The following BEND4 variants were observed in gnomAD, a reference collection of about 807,000 sequenced individuals.
BEND4 encodes the protein BEN domain-containing protein 4.
In BEND4, 27 loss-of-function variants were observed where a neutral mutation model predicts 54.7. The ratio of observed to expected loss-of-function variants is 0.49; its 90% CI spans 0.36 to 0.68. The LOEUF (loss-of-function observed/expected upper bound fraction) is 0.68. Among genes scored for constraint, BEND4 ranks in the 30% least tolerant of loss-of-function variants. BEND4 has a pLI of 0.00. For missense variants in BEND4, 702 were observed against 697.2 expected (o/e 1.01, Z -0.08); for synonymous variants, 327 against 299.5 (o/e 1.09, Z -0.95).
rs1469750583 is a variant in BEND4 at position 42,120,177 on chromosome 4, C to G, written c.1264G>C (p.Val422Leu). 3 of 1,613,844 alleles carry G rather than the reference C, an allele frequency of 1.9e-6. No individual in the cohort carries two copies. The highest frequency in any genetic ancestry group is 2.5e-6 in the Non-Finnish European group (3 of 1,179,898). Reference sequence around the variant, plus strand: ...TACTTAAGCTCATCGGTTGTGAAAACAAATCTGATGAGGTATCGAAGGAGC... The same window carrying G: ...TACTTAAGCTCATCGGTTGTGAAAAGAAATCTGATGAGGTATCGAAGGAGC... ...RRLLRYLIRF[V>L]FTTDELKYSC... The change falls in exon 5 of 6, where the codon GTT (valine) becomes CTT (leucine). Residue 422 changes from valine (V) to leucine (L), a missense_variant. Transcript: ENST00000502486.
rs73155320 is a variant in BEND4, at chr4:42,134,599, T to G, written c.1054+8829A>C. Among the ~76,000 whole-genome samples the G allele has an allele frequency of 2.7e-3, 417 of 152,338 alleles. 5 individuals carry two copies. The highest frequency in any genetic ancestry group is 9.1e-3 in the African/African-American group (377 of 41,572). On this transcript the variant is annotated intron_variant, in intron 3 of 5. Transcript: ENST00000502486. ...GCGTCTCTGTCCTCAAAGACCTCCATGGCCTCTCTTCATATCAGGACATCA... is the reference window on the plus strand; with the variant it reads ...GCGTCTCTGTCCTCAAAGACCTCCAGGGCCTCTCTTCATATCAGGACATCA...
intron 2 of BEND4, among the ~76,000 whole-genome samples, chr4:42,147,656 CTAATT>C (rs1411348569): frequency 6.6e-6 from 1 of 152,018 alleles, no homozygotes; most frequent in Non-Finnish European, 1.5e-5. Flanking sequence ...CCACTTCTCT[CTAATT>C]TATTTTGCTT....
At chr4:42,141,703 T>C (rs1218046080) in intron 3 of BEND4, among the ~76,000 whole-genome samples, 1 of 152,140 alleles carries the variant, frequency 6.6e-6, no homozygotes, top group Non-Finnish European at 1.5e-5. Context: ...ACGGCACCAC[T>C]GCACACCAGC....
intron 3 of BEND4, among the ~76,000 whole-genome samples, chr4:42,131,992 G>A (rs906427354): frequency 6.6e-6 from 1 of 152,062 alleles, no homozygotes; most frequent in East Asian, 1.9e-4. Flanking sequence ...CAGGGAAGCT[G>A]TGGAATCAAG....
rs1209544165 is a variant in BEND4, at chr4:42,112,932, G to A, written c.*4586C>T. 3.9e-5 allele frequency: 6 copies of A among 152,248 alleles called. No homozygotes were observed. Among genetic ancestry groups the A allele is most frequent in the African/African-American group, 1.4e-4 (6 of 41,540 alleles). 9.4% of individuals were successfully genotyped at this position (152,248 alleles called of 1,614,324 possible). A position where few individuals can be genotyped will look rare whatever the true frequency, so the allele number is the denominator to read the frequency against. ...GAGGACTACCCATCTGCTGGGTGACGTTTTCCTACATTACTCCAACTGAAG... is the reference window on the plus strand; with the variant it reads ...GAGGACTACCCATCTGCTGGGTGACATTTTCCTACATTACTCCAACTGAAG... On this transcript the variant is annotated 3_prime_UTR_variant, in exon 6 of 6. Coordinates refer to ENST00000502486, the MANE Select transcript of BEND4 (RefSeq NM_207406.4).
chr4:42,143,723 T>C lies in BEND4; in HGVS notation c.759A>G (p.Leu253=). The change falls in exon 3 of 6, where the codon CTA becomes CTG. Residue 253 remains leucine, a synonymous_variant. Coordinates refer to ENST00000502486, the MANE Select transcript of BEND4 (RefSeq NM_207406.4). ...SAFLRVFTDS[L]QNYLLSGSFP... ...AGCTTCCCGAGAGCAGGTAATTTTGTAGAGAGTCAGTGAAAACCCTCAAAA... is the reference window on the plus strand; with the variant it reads ...AGCTTCCCGAGAGCAGGTAATTTTGCAGAGAGTCAGTGAAAACCCTCAAAA... 8 of 1,614,066 alleles carry C rather than the reference T, an allele frequency of 5.0e-6. No homozygotes were observed. Among genetic ancestry groups the C allele is most frequent in the Non-Finnish European group, 6.8e-6 (8 of 1,179,908 alleles).
chr4:42,133,681 C>T (rs567253093), intron 3 of BEND4, among the ~76,000 whole-genome samples: 112 of 152,230 alleles, frequency 7.4e-4, no homozygotes, highest in African/African-American at 2.6e-3. Flanking sequence ...TGGTGAAACC[C>T]CGTCTCTACT....
Position 42,120,135 on chromosome 4 carries a change from TC to T in BEND4, c.1305del (p.Arg437GlyfsTer22). 6.2e-7 allele frequency: 1 copy of T among 1,613,932 alleles called. No homozygotes were observed. Among genetic ancestry groups the T allele is most frequent in the Non-Finnish European group, 8.5e-7 (1 of 1,179,864 alleles). On this transcript the variant is annotated frameshift_variant, in exon 5 of 6. Transcript: ENST00000502486. LOFTEE classifies it high-confidence loss of function. The stretch of plus-strand genomic sequence containing the variant: ...CCTGACTGCACTGACCTTTTCCTTT[TC>T]CCAAGGCCGCATGAGTACTTAAGCT... ...TDELKYSCGLGKRKRSVQSGE... is the reference protein window; with the variant it reads ...TDELKYSCGLXKRKRSVQSGE...
intron 3 of BEND4, among the ~76,000 whole-genome samples, chr4:42,136,808 G>A (rs1577760264): frequency 6.6e-6 from 1 of 152,174 alleles, no homozygotes; most frequent in Non-Finnish European, 1.5e-5. Flanking sequence ...TGTTAGATAC[G>A]CCTCATTCGG....
chr4:42,130,534 A>G (rs1349409868), intron 3 of BEND4, among the ~76,000 whole-genome samples: 2 of 151,544 alleles, frequency 1.3e-5, no homozygotes, highest in Non-Finnish European at 2.9e-5. Context: ...TGATAATCAG[A>G]ATGACAATTA....
intron 2 of BEND4, 182 bp downstream of exon 2, chr4:42,151,475 C>T (rs1721279194): frequency 1.9e-6 from 1 of 528,850 alleles, no homozygotes; most frequent in South Asian, 6.5e-5. Context: ...GAAGCCCAGG[C>T]GCGGCGGCGC....
chr4:42,112,896 G>GT lies in BEND4; in HGVS notation c.*4621dup, dbSNP rs1719631106. On this transcript the variant is annotated 3_prime_UTR_variant, in exon 6 of 6. Coordinates refer to ENST00000502486, the MANE Select transcript of BEND4 (RefSeq NM_207406.4). ...AGAACCAGTGCCACTGGCTGACAGT[G>GT]TAACTTTGCAGAGGACTACCCATCT... 6.6e-6 allele frequency: 1 copy of GT among 152,116 alleles called. No individual in the cohort carries two copies. Among genetic ancestry groups the GT allele is most frequent in the African/African-American group, 2.4e-5 (1 of 41,422 alleles). 9.4% of individuals were successfully genotyped at this position (152,116 alleles called of 1,614,324 possible).
intron 3 of BEND4, among the ~76,000 whole-genome samples, chr4:42,126,797 G>A (rs944467558): frequency 6.6e-6 from 1 of 152,152 alleles, no homozygotes; most frequent in Non-Finnish European, 1.5e-5. Flanking sequence ...AATAGCTTAA[G>A]CCCAGGAGTT....
chr4:42,135,117 G>A (rs1194930726), intron 3 of BEND4, among the ~76,000 whole-genome samples: 1 of 152,140 alleles, frequency 6.6e-6, no homozygotes, highest in African/African-American at 2.4e-5. Flanking sequence ...GGGAAGCTTA[G>A]TGACTCTTGC....
intron 5 of BEND4, 64 bp downstream of exon 5, chr4:42,119,990 G>A: frequency 6.3e-7 from 1 of 1,597,908 alleles, no homozygotes; most frequent in African/African-American, 1.3e-5. Flanking sequence ...TGTACGGGGA[G>A]AGCCACAGCC....
chr4:42,137,943 A>T (rs760575031), intron 3 of BEND4, among the ~76,000 whole-genome samples: 7 of 152,210 alleles, frequency 4.6e-5, no homozygotes, highest in Non-Finnish European at 7.3e-5. Context: ...TCAAAAGATA[A>T]CAAGTGTTGG....
chr4:42,125,386 GT>G (rs1720233283), intron 4 of BEND4, among the ~76,000 whole-genome samples, 196 bp downstream of exon 4: 1 of 152,200 alleles, frequency 6.6e-6, no homozygotes, highest in South Asian at 2.1e-4. Context: ...TCCCCACTTA[GT>G]ACATGCAGCT....
chr4:42,125,309 C>A (rs1292154245), intron 4 of BEND4, among the ~76,000 whole-genome samples: 4 of 152,190 alleles, frequency 2.6e-5, no homozygotes, highest in Non-Finnish European at 5.9e-5. Flanking sequence ...TCATTCCAGG[C>A]ATCTCTGTGC....
At position 42,151,652 on chromosome 4, in the gene BEND4, G is replaced by C. The variant is rs1721289264; in HGVS notation, c.487+5C>G. ...GGGAAGGAAAGTTGTGCGGAGAGTTGGTACCTGCGCTGAGCTCCAGGCTGG... is the reference window on the plus strand; with the variant it reads ...GGGAAGGAAAGTTGTGCGGAGAGTTCGTACCTGCGCTGAGCTCCAGGCTGG... On this transcript the variant is annotated splice_donor_5th_base_variant and intron_variant, in intron 2 of 5. Coordinates refer to ENST00000502486, the MANE Select transcript of BEND4 (RefSeq NM_207406.4). The C allele has an allele frequency of 6.8e-7, 1 of 1,466,360 alleles. No individual in the cohort carries two copies. Among genetic ancestry groups the C allele is most frequent in the African/African-American group, 1.5e-5 (1 of 66,584 alleles). 90.8% of individuals were successfully genotyped at this position (1,466,360 alleles called of 1,614,324 possible).
Sources: allele counts gnomAD v4.1 joint callset (sites outside exome capture counted in the v4.1 genomes callset), GRCh38; gene constraint gnomAD v4.1.1; transcripts MANE v1.5; gene names NCBI Gene and HGNC (gene_info 2026-07-23, HGNC 2026-07-21).